Variants in PPP2R2B observed in about 807,000 individuals in gnomAD.
The protein encoded by PPP2R2B is serine/threonine-protein phosphatase 2A 55 kDa regulatory subunit B beta isoform.
In PPP2R2B, 5 loss-of-function variants were observed where a neutral mutation model predicts 46.0. The ratio of observed to expected loss-of-function variants is 0.11; its 90% confidence interval spans 0.06 to 0.23. The LOEUF (loss-of-function observed/expected upper bound fraction) is 0.23, where lower values mean the gene tolerates loss of function less well. Ranked by LOEUF, PPP2R2B falls within the 10% of genes least tolerant of loss-of-function variation. The pLI is 1.00. For missense variants in PPP2R2B, 367 were observed against 575.0 expected (o/e 0.64, Z 3.70); for synonymous variants, 215 against 206.7 (o/e 1.04, Z -0.34).
chr5:146,688,207 T>C (rs1255911087), intron 5 of PPP2R2B, among the ~76,000 whole-genome samples: 2 of 152,112 alleles, frequency 1.3e-5, no homozygotes, highest in Non-Finnish European at 2.9e-5. Context: ...ATACAGATAC[T>C]GGTATTTATA....
At chr5:146,704,888 G>A (rs1028469487) in intron 2 of PPP2R2B, among the ~76,000 whole-genome samples, 7 of 152,206 alleles carry the variant, frequency 4.6e-5, no homozygotes, top group Non-Finnish European at 1.0e-4. Flanking sequence ...GAATCTCCTA[G>A]TTCATCCCTA....
intron 1 of PPP2R2B, among the ~76,000 whole-genome samples, chr5:147,001,303 C>T (rs1425075695): frequency 6.6e-6 from 1 of 152,208 alleles, no homozygotes; most frequent in African/African-American, 2.4e-5. Context: ...TGGGTCCGCA[C>T]TACCTTTATG....
intron 2 of PPP2R2B, among the ~76,000 whole-genome samples, chr5:146,828,549 T>G (rs1309081906): frequency 6.6e-6 from 1 of 152,202 alleles, no homozygotes; most frequent in Non-Finnish European, 1.5e-5. Flanking sequence ...GTTGTAGAAT[T>G]CAGCTATTAA....
At chr5:146,905,655 C>T (rs1291643182) in intron 1 of PPP2R2B, among the ~76,000 whole-genome samples, 2 of 152,192 alleles carry the variant, frequency 1.3e-5, no homozygotes, top group African/African-American at 2.4e-5. Context: ...TGTAATACTA[C>T]TTAGCAATTA....
chr5:146,619,302 T>TA (rs34725004), intron 7 of PPP2R2B, among the ~76,000 whole-genome samples: 12,567 of 112,828 alleles, frequency 0.11, 1,280 homozygotes, highest in African/African-American at 0.27. Context: ...CCGTCTCTAC[T>TA]AAAAAAAAAA....
chr5:146,818,470 C>A (rs1446768094), intron 2 of PPP2R2B, among the ~76,000 whole-genome samples: 1 of 152,062 alleles, frequency 6.6e-6, no homozygotes, highest in Non-Finnish European at 1.5e-5. Flanking sequence ...GATAAGATGT[C>A]CCCATCCCTG....
exon 1 of PPP2R2B, chr5:147,081,400 T>G (rs1757963809): frequency 8.5e-7 from 1 of 1,182,452 alleles, no homozygotes; most frequent in Non-Finnish European, 1.2e-6. Context: ...CAATTGGAGT[T>G]TGTCCCTTCT....
chr5:146,885,227 A>G (rs958570286), intron 1 of PPP2R2B, among the ~76,000 whole-genome samples: 1 of 152,204 alleles, frequency 6.6e-6, no homozygotes, highest in African/African-American at 2.4e-5. Flanking sequence ...ACTGAGGCTA[A>G]TAGAGGTAAA....
At chr5:146,620,366 G>T (rs1035939238) in intron 7 of PPP2R2B, among the ~76,000 whole-genome samples, 15 of 152,292 alleles carry the variant, frequency 9.8e-5, no homozygotes, top group Admixed American at 7.8e-4. Context: ...GCCTTTTTGA[G>T]AACTGTCATT....
At chr5:146,964,418 C>T (rs967490491) in intron 1 of PPP2R2B, among the ~76,000 whole-genome samples, 4 of 151,280 alleles carry the variant, frequency 2.6e-5, no homozygotes, top group African/African-American at 4.8e-5. Context: ...CTTGGTGCTT[C>T]GCAGATTTTT....
chr5:147,033,828 GCCTCTGT>G lies in PPP2R2B; in HGVS notation c.79+21830_79+21836del, dbSNP rs1234734779. On this transcript the variant is annotated intron_variant, in intron 1 of 8. Coordinates refer to the PPP2R2B transcript ENST00000336640. The stretch of plus-strand genomic sequence containing the variant: ...CTTCTCTGCTGTTGCATTAATCCAA[GCCTCTGT>G]CCTTTCTTGTCCACTGTGATAGCCT... 3.3e-5 allele frequency among the ~76,000 whole-genome samples: 5 copies of G among 151,894 alleles called. No individual in the cohort carries two copies. The East Asian group carries it at 7.8e-4, about 24-fold the overall frequency.
intron 2 of PPP2R2B, among the ~76,000 whole-genome samples, chr5:146,706,213 G>A (rs1400437552): frequency 1.3e-5 from 2 of 152,190 alleles, no homozygotes; most frequent in South Asian, 4.1e-4. Flanking sequence ...CTGTTCACTT[G>A]AGCAGGAAAT....
At chr5:146,656,591 A>G (rs1776345784) in intron 5 of PPP2R2B, 1 of 152,182 alleles carries the variant, frequency 6.6e-6, no homozygotes, top group African/African-American at 2.4e-5. Flanking sequence ...TAGTGTGGAC[A>G]TCCTAACAGC....
intron 2 of PPP2R2B, among the ~76,000 whole-genome samples, chr5:146,784,325 A>G (rs1349570269): frequency 6.6e-6 from 1 of 152,248 alleles, no homozygotes; most frequent in Non-Finnish European, 1.5e-5. Context: ...GGATTCTTAC[A>G]TATTTAAAAA....
intron 1 of PPP2R2B, among the ~76,000 whole-genome samples, chr5:146,932,976 G>T (rs1002140657): frequency 1.3e-5 from 2 of 152,154 alleles, no homozygotes; most frequent in Non-Finnish European, 2.9e-5. Context: ...TGGAAGGACA[G>T]CCCAGGAAAC....
At position 146,878,368 on chromosome 5, in the gene PPP2R2B, C is replaced by T; in HGVS notation, c.-124-173G>A. On this transcript the variant is annotated intron_variant, in intron 1 of 9. Coordinates refer to ENST00000394411, the MANE Select transcript of PPP2R2B (RefSeq NM_181675.4). This position sits in a 1 kb window ranked among gnomAD's most constrained non-coding sequence, Gnocchi z 4.5. ...GCCTGCCTCCGCTGCCTCCGGGTGC[C>T]AAGATACGCCGTGCCCCGAGGGGTC... 7.0e-7 allele frequency: 1 copy of T among 1,435,574 alleles called. No homozygotes were observed. Among genetic ancestry groups the T allele is most frequent in the East Asian group, 2.5e-5 (1 of 39,912 alleles). 88.9% of individuals were successfully genotyped at this position (1,435,574 alleles called of 1,614,324 possible).
At chr5:147,003,313 C>T (rs938178143) in intron 1 of PPP2R2B, among the ~76,000 whole-genome samples, 4 of 152,140 alleles carry the variant, frequency 2.6e-5, no homozygotes, top group East Asian at 1.9e-4. Flanking sequence ...ACCAAAAAAA[C>T]CCCCGGGCTA....
chr5:146,673,373 C>T (rs528445396), intron 5 of PPP2R2B, among the ~76,000 whole-genome samples: 1 of 152,204 alleles, frequency 6.6e-6, no homozygotes, highest in African/African-American at 2.4e-5. Flanking sequence ...TGAACTTGTG[C>T]TGGAAGAAAA....
chr5:147,060,647 C>T (rs371944999), upstream of PPP2R2B, among the ~76,000 whole-genome samples: 8 of 151,894 alleles, frequency 5.3e-5, no homozygotes, highest in African/African-American at 1.9e-4. Flanking sequence ...AAAGAAACAA[C>T]AAAAAAACAA....
Sources: gnomAD v4.1 joint callset for allele counts (sites outside exome capture counted in the v4.1 genomes callset) on GRCh38, gnomAD v4.1.1 for gene constraint, Gnocchi (gnomAD v3.1) non-coding constraint, MANE v1.5 for transcripts, NCBI Gene and HGNC (gene_info 2026-07-23, HGNC 2026-07-21) for gene names.